IL1RAPL1: variants seen among roughly 807,000 people sequenced by gnomAD.
The protein encoded by IL1RAPL1 is interleukin-1 receptor accessory protein-like 1.
A neutral mutation model predicts 48.4 loss-of-function variants in IL1RAPL1; 3 were observed. The ratio of observed to expected loss-of-function variants is 0.06; its 90% CI spans 0.03 to 0.16. The LOEUF is 0.16. IL1RAPL1 is among the 10% of genes least tolerant of loss of function. The pLI is 1.00. For missense variants in IL1RAPL1, 349 were observed against 530.6 expected, an observed-to-expected ratio of 0.66 and a Z score of 3.36; for synonymous variants, 185 against 187.7, an observed-to-expected ratio of 0.99 and a Z score of 0.12.
At chrX:29,321,004 A>G (rs1157866916) in intron 3 of IL1RAPL1, among the ~76,000 whole-genome samples, 1 of 111,120 alleles carries the variant, frequency 9.0e-6, no homozygotes, top group East Asian at 2.8e-4. Flanking sequence ...TGCCTAAACT[A>G]CATAACGTCT....
intron 5 of IL1RAPL1, among the ~76,000 whole-genome samples, chrX:29,584,502 G>A (rs1424746002): frequency 1.8e-5 from 2 of 110,948 alleles, no homozygotes; most frequent in Admixed American, 9.6e-5. Context: ...CAACTCCACC[G>A]CTTTGCTCAA....
intron 5 of IL1RAPL1, among the ~76,000 whole-genome samples, chrX:29,610,963 C>G (rs1924073203): frequency 8.9e-6 from 1 of 112,456 alleles, no homozygotes; most frequent in Non-Finnish European, 1.9e-5. Flanking sequence ...ACCATGAATT[C>G]TCATCAGATG....
intron 2 of IL1RAPL1, among the ~76,000 whole-genome samples, chrX:29,101,584 A>T (rs1928338791): frequency 8.9e-6 from 1 of 111,893 alleles, no homozygotes; most frequent in African/African-American, 3.2e-5. Context: ...CCAGATAAAC[A>T]TTGGTGCAAA....
chrX:29,752,028 A>G (rs1285830767), intron 6 of IL1RAPL1, among the ~76,000 whole-genome samples: 2 of 99,278 alleles, frequency 2.0e-5, no homozygotes, highest in East Asian at 3.1e-4. Flanking sequence ...ATAATATGTA[A>G]CTACCTATAT....
intron 6 of IL1RAPL1, among the ~76,000 whole-genome samples, chrX:29,825,493 G>T (rs1302105840): frequency 9.0e-6 from 1 of 111,294 alleles, no homozygotes; most frequent in African/African-American, 3.3e-5. Flanking sequence ...ATGCTTTCCA[G>T]ATATATCTCC....
intron 3 of IL1RAPL1, among the ~76,000 whole-genome samples, chrX:29,352,286 G>A (rs1339719072): frequency 3.6e-5 from 4 of 111,031 alleles, no homozygotes; most frequent in Non-Finnish European, 7.5e-5. Flanking sequence ...ATTTCAATGA[G>A]CTGATCAGTT....
chrX:28,616,497 G>A (rs1388489915), intron 1 of IL1RAPL1, among the ~76,000 whole-genome samples: 4 of 108,506 alleles, frequency 3.7e-5, no homozygotes, highest in African/African-American at 1.0e-4. Context: ...GCAATGGCAC[G>A]ATCTCGGCTC....
intron 5 of IL1RAPL1, among the ~76,000 whole-genome samples, chrX:29,517,413 A>G (rs1235303010): frequency 9.0e-6 from 1 of 110,846 alleles, no homozygotes; most frequent in Non-Finnish European, 1.9e-5. Flanking sequence ...ACATGCATAA[A>G]CTACCTTTTC....
intron 2 of IL1RAPL1, among the ~76,000 whole-genome samples, chrX:29,025,775 C>T (rs1926471531): frequency 1.8e-5 from 2 of 111,468 alleles, no homozygotes; most frequent in Admixed American, 9.6e-5. Context: ...AAGATAATTA[C>T]GTTGCTTTCC....
intron 6 of IL1RAPL1, among the ~76,000 whole-genome samples, chrX:29,870,946 C>T (rs766035947): frequency 1.8e-5 from 2 of 112,309 alleles, no homozygotes; most frequent in East Asian, 2.8e-4. Context: ...TCTCGTCTTA[C>T]GGTTCAGTAG....
intron 2 of IL1RAPL1, among the ~76,000 whole-genome samples, chrX:29,202,378 T>C (rs1483424537): frequency 8.9e-6 from 1 of 111,983 alleles, no homozygotes; most frequent in African/African-American, 3.2e-5. Flanking sequence ...GGCAAGGTTA[T>C]GGAGGAAAGG....
At chrX:29,485,002 G>T (rs1935081933) in intron 5 of IL1RAPL1, among the ~76,000 whole-genome samples, 1 of 111,632 alleles carries the variant, frequency 9.0e-6, no homozygotes. Context: ...CAAACTGAAG[G>T]TAAAAACCAT....
chrX:29,557,093 G>A (rs1359474811), intron 5 of IL1RAPL1, among the ~76,000 whole-genome samples: 1 of 111,815 alleles, frequency 8.9e-6, no homozygotes, highest in Non-Finnish European at 1.9e-5. Context: ...CAAATAATAA[G>A]AATCCAAAGA....
chrX:29,081,562 C>T (rs1927844868), intron 2 of IL1RAPL1, among the ~76,000 whole-genome samples: 1 of 111,414 alleles, frequency 9.0e-6, no homozygotes, highest in Non-Finnish European at 1.9e-5. Flanking sequence ...TCTATATTGT[C>T]CAAAGTACCA....
chrX:29,288,370 C>G (rs954419409), intron 3 of IL1RAPL1, among the ~76,000 whole-genome samples: 5 of 110,961 alleles, frequency 4.5e-5, no homozygotes, highest in East Asian at 2.8e-4. Context: ...TTCATGTGTT[C>G]TCATCGTTCA....
intron 5 of IL1RAPL1, among the ~76,000 whole-genome samples, chrX:29,544,595 G>T (rs1602288842): frequency 9.0e-6 from 1 of 111,600 alleles, no homozygotes; most frequent in East Asian, 2.8e-4. Flanking sequence ...TACAGAGTGG[G>T]TATTCGTAAT....
rs1455439546 is a variant in IL1RAPL1 at position 29,449,896 on chromosome X, A to C, written c.703+50588A>C. On this transcript the variant is annotated intron_variant, in intron 5 of 10. Coordinates refer to ENST00000378993, the MANE Select transcript of IL1RAPL1 (RefSeq NM_014271.4). ...TGAGAAAGTATTTGACTAAAATAAA[A>C]AAAGAGGAAGGAAATAATTTAAAAA... is the stretch of plus-strand genomic sequence containing the variant. 2.7e-5 allele frequency among the ~76,000 whole-genome samples: 3 copies of C among 109,433 alleles called. No homozygotes were observed. The East Asian group carries it at 8.5e-4, about 31-fold the overall frequency.
At chrX:29,915,761 T>TTTTTA (rs1238032060) in intron 6 of IL1RAPL1, among the ~76,000 whole-genome samples, 1 of 103,145 alleles carries the variant, frequency 9.7e-6, no homozygotes, top group African/African-American at 3.6e-5. Flanking sequence ...TTATTATTTT[T>TTTTTA]ATTATACTTT....
chrX:29,220,129 A>G (rs1930946887), intron 2 of IL1RAPL1, among the ~76,000 whole-genome samples: 1 of 111,885 alleles, frequency 8.9e-6, no homozygotes, highest in South Asian at 3.7e-4. Flanking sequence ...TAATTTAACA[A>G]CTAAATTAAT....
Sources: allele counts gnomAD v4.1 joint callset (sites outside exome capture counted in the v4.1 genomes callset), GRCh38; gene constraint gnomAD v4.1.1; transcripts MANE v1.5; gene names NCBI Gene and HGNC (gene_info 2026-07-23, HGNC 2026-07-21).